Variants in AOPEP observed in about 807,000 individuals in gnomAD.
The protein encoded by AOPEP is aminopeptidase O (putative), also known as aminopeptidase O.
AOPEP carries 77 observed loss-of-function variants against 98.1 expected under a neutral mutation model. The observed-to-expected ratio is 0.78, with a 90% confidence interval of 0.65 to 0.95. AOPEP has a LOEUF of 0.95. AOPEP is among the 40% of genes least tolerant of loss of function. The probability of loss-of-function intolerance (pLI) is 0.00; values close to 1 mark genes in which losing one functional copy is unlikely to be tolerated. For missense variants in AOPEP, 1,024 were observed against 1,024.7 expected (o/e 1.00, Z 0.01); for synonymous variants, 346 against 365.3 (o/e 0.95, Z 0.60).
chr9:94,805,393 G>A (rs1849038465), intron 5 of AOPEP, among the ~76,000 whole-genome samples: 1 of 152,018 alleles, frequency 6.6e-6, no homozygotes, highest in African/African-American at 2.4e-5. Context: ...TTCTTTGCAA[G>A]GGTTTTTGAC....
chr9:94,802,825 A>G (rs897864551), intron 5 of AOPEP, among the ~76,000 whole-genome samples: 3 of 152,092 alleles, frequency 2.0e-5, no homozygotes, highest in African/African-American at 7.2e-5. Context: ...CATTCCCTGG[A>G]TGAGAGCTGT....
intron 13 of AOPEP, among the ~76,000 whole-genome samples, chr9:95,044,235 T>G (rs2065623331): frequency 6.6e-6 from 1 of 152,244 alleles, no homozygotes; most frequent in Non-Finnish European, 1.5e-5. Flanking sequence ...AAGTATTATC[T>G]TTTAATTTGT....
chr9:94,869,770 G>A (rs2046111095), intron 5 of AOPEP, among the ~76,000 whole-genome samples: 1 of 152,152 alleles, frequency 6.6e-6, no homozygotes, highest in South Asian at 2.1e-4. Context: ...CGTATCTGCT[G>A]TGAATCTCTC....
At chr9:95,005,977 A>T (rs1476911657) in intron 13 of AOPEP, 2 of 488,586 alleles carry the variant, frequency 4.1e-6, no homozygotes, top group East Asian at 6.4e-5. Context: ...TTAGGTTTCC[A>T]TGCTGTACTT....
intron 15 of AOPEP, 96 bp from the exon 16 acceptor site, chr9:95,082,479 A>G: frequency 1.5e-6 from 2 of 1,371,418 alleles, no homozygotes; most frequent in Non-Finnish European, 2.0e-6. Flanking sequence ...CTAGACCAGC[A>G]AGTGTGTGTG....
chr9:95,120,083 A>T, the AOPEP span, among the ~76,000 whole-genome samples: 1 of 151,766 alleles, frequency 6.6e-6, no homozygotes, highest in South Asian at 2.1e-4. Flanking sequence ...GAGAAATCTT[A>T]GATCACCTCA....
intron 5 of AOPEP, among the ~76,000 whole-genome samples, chr9:94,918,097 G>T (rs1462892546): frequency 6.6e-6 from 1 of 152,168 alleles, no homozygotes; most frequent in Non-Finnish European, 1.5e-5. Context: ...GCAAATATAG[G>T]TGAGAGGTGG....
intron 14 of AOPEP, among the ~76,000 whole-genome samples, chr9:95,070,545 A>G (rs1309848289): frequency 6.6e-6 from 1 of 152,256 alleles, no homozygotes; most frequent in African/African-American, 2.4e-5. Context: ...ATAATTTCAG[A>G]GTGGCTGAAA....
At chr9:94,898,996 G>T (rs961783830) in intron 5 of AOPEP, among the ~76,000 whole-genome samples, 1 of 151,958 alleles carries the variant, frequency 6.6e-6, no homozygotes, top group African/African-American at 2.4e-5. Context: ...TGTGGGAGAA[G>T]CTCCTTGGTA....
intron 13 of AOPEP, among the ~76,000 whole-genome samples, chr9:95,045,381 A>G (rs1220039262): frequency 6.6e-6 from 1 of 152,238 alleles, no homozygotes; most frequent in Non-Finnish European, 1.5e-5. Context: ...CACTGCGGAC[A>G]GGGGTCGGTG....
intron 11 of AOPEP, among the ~76,000 whole-genome samples, chr9:94,987,389 A>G (rs1298136630): frequency 6.6e-6 from 1 of 152,252 alleles, no homozygotes; most frequent in East Asian, 1.9e-4. Flanking sequence ...GGAGTGTGAC[A>G]TAACCAAGGT....
chr9:94,872,300 G>A (rs1265480250), intron 5 of AOPEP, among the ~76,000 whole-genome samples: 1 of 152,108 alleles, frequency 6.6e-6, no homozygotes, highest in Non-Finnish European at 1.5e-5. Flanking sequence ...TGGTTGGTTG[G>A]TTTTTAAAGG....
intron 14 of AOPEP, among the ~76,000 whole-genome samples, chr9:95,069,727 C>T (rs777415800): frequency 6.6e-5 from 10 of 152,228 alleles, no homozygotes; most frequent in Non-Finnish European, 1.3e-4. Context: ...TGTTTGTCAT[C>T]ACACTTGACC....
chr9:94,772,583 A>G (rs1255292535), intron 2 of AOPEP, among the ~76,000 whole-genome samples: 1 of 152,166 alleles, frequency 6.6e-6, no homozygotes, highest in Non-Finnish European at 1.5e-5. Flanking sequence ...TGTTTTTCCA[A>G]GCATTAATAT....
At chr9:94,830,092 A>T (rs1403101870) in intron 5 of AOPEP, among the ~76,000 whole-genome samples, 2 of 152,156 alleles carry the variant, frequency 1.3e-5, no homozygotes, top group Non-Finnish European at 2.9e-5. Context: ...GGTTTGTTAC[A>T]TAGGTAAACG....
Position 94,928,443 on chromosome 9 carries a change from C to G in AOPEP, c.1573C>G (p.Arg525Gly). The G allele has an allele frequency of 4.5e-6, 7 of 1,548,864 alleles. No individual in the cohort carries two copies. The highest frequency in any genetic ancestry group is 5.2e-6 in the Non-Finnish European group (6 of 1,146,914). ...TGAGCAGCTGGCCCCCTATGAGGCC[C>G]GGGAGCAGCAGGAGCTGAGGGCTTG... The part of the protein sequence containing the change: ...TAQQLAPYEA[R>G]EQQELRACLR... Residue 525 changes from arginine to glycine, a missense_variant, in exon 7 of 17, where the codon CGG becomes GGG. By Grantham distance (125) the Arg-to-Gly change is moderately radical. Transcript: ENST00000375315.
chr9:94,768,459 G>A lies in AOPEP; in HGVS notation c.798-4543G>A, dbSNP rs978657573. ...AGCAATCCCTTACACGTTTGGTTGC[G>A]TAGCTCCTCCTTAGGAAGACTAGCA... On this transcript the variant is annotated intron_variant, in intron 2 of 16. Transcript: ENST00000375315. Among the ~76,000 whole-genome samples, 3 of 152,224 alleles carry A rather than the reference G, an allele frequency of 2.0e-5. No homozygotes were observed. The South Asian group carries it at 6.2e-4, about 32-fold the overall frequency.
chr9:94,775,274 G>T (rs1423793109), intron 3 of AOPEP, among the ~76,000 whole-genome samples: 1 of 151,016 alleles, frequency 6.6e-6, no homozygotes, highest in African/African-American at 2.4e-5. Context: ...TAGAAAACCA[G>T]TTGCTTCAGG....
intron 5 of AOPEP, among the ~76,000 whole-genome samples, chr9:94,843,635 C>T (rs974269130): frequency 6.6e-6 from 1 of 152,204 alleles, no homozygotes; most frequent in Middle Eastern, 3.2e-3. Flanking sequence ...TGCCCATGAG[C>T]CTTTGAAACC....
Sources: allele counts gnomAD v4.1 joint callset (sites outside exome capture counted in the v4.1 genomes callset), GRCh38; gene constraint gnomAD v4.1.1; transcripts MANE v1.5; gene names NCBI Gene and HGNC (gene_info 2026-07-23, HGNC 2026-07-21).